Variants in STAT4 observed in about 807,000 individuals in gnomAD.
STAT4 encodes the protein signal transducer and activator of transcription 4.
STAT4 carries 42 observed loss-of-function variants against 110.5 expected under a neutral mutation model. The observed-to-expected ratio is 0.38, with a 90% CI of 0.30 to 0.49. The LOEUF is 0.49. Among genes scored for constraint, STAT4 ranks in the 20% least tolerant of loss-of-function variants. The pLI is 0.95. For missense variants in STAT4, 632 were observed against 887.9 expected (o/e 0.71, Z 3.66); for synonymous variants, 284 against 302.2 (o/e 0.94, Z 0.63).
At chr2:191,101,690 T>C (rs1166715914) in intron 3 of STAT4, among the ~76,000 whole-genome samples, 1 of 151,174 alleles carries the variant, frequency 6.6e-6, no homozygotes, top group Non-Finnish European at 1.5e-5. Flanking sequence ...CTACTGGTCA[T>C]TTTTTTTTGT....
chr2:191,053,804 A>G lies in STAT4; in HGVS notation c.1251+686T>C. ...TAATGTAATGCAAGCAATGTAAATC[A>G]TGTTCTCCAAGAGTATTTAAAATTA... On this transcript the variant is annotated intron_variant, in intron 14 of 23. Coordinates refer to ENST00000392320, the MANE Select transcript of STAT4 (RefSeq NM_003151.4). The surrounding 1 kb of genome is among the most constrained non-coding windows in gnomAD (Gnocchi z 4.5). Among the ~76,000 whole-genome samples, 1 of 152,214 alleles carries G rather than the reference A, an allele frequency of 6.6e-6. No individual in the cohort carries two copies. The highest frequency in any genetic ancestry group is 1.9e-4 in the East Asian group (1 of 5,198).
At position 191,132,867 on chromosome 2, in the gene STAT4, T is replaced by G. The variant is rs377396214; in HGVS notation, c.273+13746A>C. On this transcript the variant is annotated intron_variant, in intron 3 of 23. Coordinates refer to ENST00000392320, the MANE Select transcript of STAT4 (RefSeq NM_003151.4). ...CCTCCCGGGTTCACGCAATTCTCCT[T>G]CCTCAGCCTCCCAAGTAGCTGAGAC... 3.1e-3 allele frequency among the ~76,000 whole-genome samples: 465 copies of G among 151,084 alleles called. 10 individuals are homozygous for G. Among genetic ancestry groups the G allele is most frequent in the East Asian group, 0.028 (146 of 5,156 alleles).
intron 4 of STAT4, chr2:191,076,023 A>ATTT: frequency 6.8e-5 from 28 of 413,198 alleles, no homozygotes; most frequent in Non-Finnish European, 1.0e-4. Flanking sequence ...CTAATTTTTA[A>ATTT]TTTTTTTTTT....
chr2:191,147,745 T>G lies in STAT4; in HGVS notation c.128+331A>C, dbSNP rs1305526540. Among the ~76,000 whole-genome samples, 1 of 152,164 alleles carries G rather than the reference T, an allele frequency of 6.6e-6. No individual in the cohort carries two copies. The highest frequency in any genetic ancestry group is 1.5e-5 in the Non-Finnish European group (1 of 68,030). On this transcript the variant is annotated intron_variant, in intron 2 of 23. Transcript: ENST00000392320. This position sits in a 1 kb window ranked among gnomAD's most constrained non-coding sequence, Gnocchi z 4.1. ...ATAGAGCTTTGAAGAGTATAAATCT[T>G]ACTGAGAAAAAAATATTGATTTACA...
chr2:191,120,801 C>T lies in STAT4; in HGVS notation c.273+25812G>A, dbSNP rs184561480. 7.6e-4 allele frequency among the ~76,000 whole-genome samples: 115 copies of T among 152,220 alleles called. 2 individuals carry two copies. The highest frequency in any genetic ancestry group is 2.6e-3 in the African/African-American group (110 of 41,532). On this transcript the variant is annotated intron_variant, in intron 3 of 23. Coordinates refer to ENST00000392320, the MANE Select transcript of STAT4 (RefSeq NM_003151.4). The stretch of plus-strand genomic sequence containing the variant: ...AAGATGGATTACTTAAATGTTAGAC[C>T]TAAAACCATAAAAACCCTAGAAGAA...
intron 4 of STAT4, among the ~76,000 whole-genome samples, chr2:191,073,398 T>G (rs3024840): frequency 6.6e-6 from 1 of 152,246 alleles, no homozygotes; most frequent in Non-Finnish European, 1.5e-5. Flanking sequence ...TAAAAATACC[T>G]TATATAGGAC....
Position 191,144,434 on chromosome 2 carries a change from G to A in STAT4, c.273+2179C>T, listed in dbSNP as rs1008161947. Among the ~76,000 whole-genome samples the A allele has an allele frequency of 1.3e-5, 2 of 152,120 alleles. No homozygotes were observed. The highest frequency in any genetic ancestry group is 2.9e-5 in the Non-Finnish European group (2 of 68,022). ...ACAAGGCTGAGTCATTCAAGAGTGT[G>A]TGTGACGTGTTCAGGAACAAGTAGT... On this transcript the variant is annotated intron_variant, in intron 3 of 23. Coordinates refer to ENST00000392320, the MANE Select transcript of STAT4 (RefSeq NM_003151.4). The surrounding 1 kb of genome is among the most constrained non-coding windows in gnomAD (Gnocchi z 4.7).
rs1292457034 is a variant in STAT4, at chr2:191,086,829, C to A, written c.274-10504G>T. On this transcript the variant is annotated intron_variant, in intron 3 of 23. Transcript: ENST00000392320. The surrounding 1 kb of genome is among the most constrained non-coding windows in gnomAD (Gnocchi z 5.5). ...TCAAACTGAAGCTAGGCAATTTAAA[C>A]CTCAGGAGAAAATAACAGCAACTGT... 6.6e-6 allele frequency among the ~76,000 whole-genome samples: 1 copy of A among 152,102 alleles called. No individual in the cohort carries two copies. Among genetic ancestry groups the A allele is most frequent in the Non-Finnish European group, 1.5e-5 (1 of 68,012 alleles).
At chr2:191,094,366 G>A (rs764158637) in intron 3 of STAT4, among the ~76,000 whole-genome samples, 52 of 152,216 alleles carry the variant, frequency 3.4e-4, no homozygotes, top group Non-Finnish European at 6.9e-4. Context: ...ACAAAGGGAA[G>A]CCCATCAGAC....
intron 3 of STAT4, among the ~76,000 whole-genome samples, chr2:191,123,151 G>A (rs947574404): frequency 2.0e-5 from 3 of 152,120 alleles, no homozygotes; most frequent in African/African-American, 4.8e-5. Flanking sequence ...GCTCTCCTAC[G>A]CAATTTCTAA....
intron 3 of STAT4, among the ~76,000 whole-genome samples, chr2:191,129,587 A>G (rs7586790): frequency 1 from 152,273 of 152,332 alleles, 76,108 homozygotes; most frequent in Middle Eastern, 1. Context: ...AGACTTTAAC[A>G]TGTCACTTTC....
chr2:191,050,755 C>G lies in STAT4; in HGVS notation c.1251+3735G>C, dbSNP rs1303371698. On this transcript the variant is annotated intron_variant, in intron 14 of 23. Transcript: ENST00000392320. The surrounding 1 kb of genome is among the most constrained non-coding windows in gnomAD (Gnocchi z 4.3). ...GGCAAATGGGGTTCCTGAGGTACCT[C>G]TTTGGCATCTCTGGGTTTTCTGGGA... Among the ~76,000 whole-genome samples, 1 of 152,176 alleles carries G rather than the reference C, an allele frequency of 6.6e-6. No homozygotes were observed. The highest frequency in any genetic ancestry group is 1.5e-5 in the Non-Finnish European group (1 of 68,016).
In STAT4 at chr2:191,146,152, A is replaced by G. The variant is rs1402613425; in HGVS notation, c.273+461T>C. 6.6e-6 allele frequency among the ~76,000 whole-genome samples: 1 copy of G among 152,218 alleles called. No individual in the cohort carries two copies. The highest frequency in any genetic ancestry group is 1.5e-5 in the Non-Finnish European group (1 of 68,040). On this transcript the variant is annotated intron_variant, in intron 3 of 23. Transcript: ENST00000392320. The surrounding 1 kb of genome is among the most constrained non-coding windows in gnomAD (Gnocchi z 4.5). ...ACAGAGATGGGCTCTGCCTGGGTGAACCAGAGAGTACCAAAGAACACTTTT... is the reference window on the plus strand; with the variant it reads ...ACAGAGATGGGCTCTGCCTGGGTGAGCCAGAGAGTACCAAAGAACACTTTT...
intron 14 of STAT4, among the ~76,000 whole-genome samples, chr2:191,052,930 A>C (rs1696572632): frequency 6.6e-6 from 1 of 152,198 alleles, no homozygotes; most frequent in Non-Finnish European, 1.5e-5. Flanking sequence ...GACTGCAGAG[A>C]CCTGCTTAGG....
chr2:191,048,838 T>C (rs1347380641), intron 14 of STAT4, among the ~76,000 whole-genome samples: 1 of 146,372 alleles, frequency 6.8e-6, no homozygotes, highest in Non-Finnish European at 1.5e-5. Context: ...TTAATGTTTG[T>C]ATCAAAGCCA....
intron 3 of STAT4, among the ~76,000 whole-genome samples, chr2:191,139,256 G>C (rs1472915360): frequency 6.6e-6 from 1 of 151,446 alleles, no homozygotes; most frequent in Non-Finnish European, 1.5e-5. Flanking sequence ...CAGAGCAATC[G>C]ACAAGAGAAA....
In STAT4 at chr2:191,144,445, T is replaced by C. The variant is rs1477851336; in HGVS notation, c.273+2168A>G. On this transcript the variant is annotated intron_variant, in intron 3 of 23. Transcript: ENST00000392320. The surrounding 1 kb of genome is among the most constrained non-coding windows in gnomAD (Gnocchi z 4.7). ...TCATTCAAGAGTGTGTGTGACGTGT[T>C]CAGGAACAAGTAGTAGATCTATTTT... Among the ~76,000 whole-genome samples, 1 of 152,108 alleles carries C rather than the reference T, an allele frequency of 6.6e-6. No individual in the cohort carries two copies. Among genetic ancestry groups the C allele is most frequent in the African/African-American group, 2.4e-5 (1 of 41,422 alleles).
rs1695881115 is a variant in STAT4, at chr2:191,031,129, T to C, written c.2112-49A>G. The stretch of plus-strand genomic sequence containing the variant: ...ATGGACAAGGATTAAAAAATAATAA[T>C]AGTTCACGGTGACTTACTATGTCAG... On this transcript the variant is annotated intron_variant, in intron 22 of 23. Coordinates refer to ENST00000392320, the MANE Select transcript of STAT4 (RefSeq NM_003151.4). The surrounding 1 kb of genome is among the most constrained non-coding windows in gnomAD (Gnocchi z 4.8). 6.4e-7 allele frequency: 1 copy of C among 1,571,724 alleles called. No individual in the cohort carries two copies. The highest frequency in any genetic ancestry group is 1.7e-5 in the Admixed American group (1 of 59,606).
rs186200273 is a variant in STAT4, at chr2:191,042,104, T to C, written c.1252-956A>G. On this transcript the variant is annotated intron_variant, in intron 14 of 23. Coordinates refer to ENST00000392320, the MANE Select transcript of STAT4 (RefSeq NM_003151.4). The surrounding 1 kb of genome is among the most constrained non-coding windows in gnomAD (Gnocchi z 4.2). Reference sequence around the variant, plus strand: ...GAGGTAACATACAGCTACTGCCTTCTATACCCAACACCGTCCTCCAACACC... The same window carrying C: ...GAGGTAACATACAGCTACTGCCTTCCATACCCAACACCGTCCTCCAACACC... Among the ~76,000 whole-genome samples the C allele has an allele frequency of 5.3e-5, 8 of 152,298 alleles. No individual in the cohort carries two copies. Among genetic ancestry groups the C allele is most frequent in the African/African-American group, 1.9e-4 (8 of 41,556 alleles).
Sources: allele counts gnomAD v4.1 joint callset (sites outside exome capture counted in the v4.1 genomes callset), GRCh38; gene constraint gnomAD v4.1.1; non-coding constraint Gnocchi (gnomAD v3.1); transcripts MANE v1.5; gene names NCBI Gene and HGNC (gene_info 2026-07-23, HGNC 2026-07-21).